Variants in ERCC6 observed in about 807,000 individuals in gnomAD.
ERCC6 encodes DNA excision repair protein ERCC-6.
A neutral mutation model predicts 158.7 loss-of-function variants in ERCC6; 116 were observed. That is an observed-to-expected ratio of 0.73 (90% confidence interval 0.63 to 0.85). The LOEUF (loss-of-function observed/expected upper bound fraction) is 0.85. ERCC6 is among the 40% of genes least tolerant of loss of function. The pLI is 0.00. For synonymous variants in ERCC6, 678 were observed against 659.3 expected, an observed-to-expected ratio of 1.03 and a Z score of -0.43; for missense variants, 1,698 against 1,799.4, an observed-to-expected ratio of 0.94 and a Z score of 1.02.
At chr10:49,465,961 G>C (rs1381420767) in intron 18 of ERCC6, among the ~76,000 whole-genome samples, 3 of 152,274 alleles carry the variant, frequency 2.0e-5, no homozygotes, top group East Asian at 1.9e-4. Flanking sequence ...GGGACAGGGT[G>C]GGGGATGACA....
chr10:49,538,408 C>T (rs992300273), intron 1 of ERCC6, among the ~76,000 whole-genome samples: 3 of 152,088 alleles, frequency 2.0e-5, no homozygotes, highest in African/African-American at 7.2e-5. Context: ...GACAACTGTG[C>T]GGATAATGGA....
Position 49,530,833 on chromosome 10 carries a change from T to G in ERCC6, c.430A>C (p.Thr144Pro). The G allele has an allele frequency of 6.2e-7, 1 of 1,613,470 alleles. No homozygotes were observed. The highest frequency in any genetic ancestry group is 8.5e-7 in the Non-Finnish European group (1 of 1,179,724). The change falls in exon 3 of 21, where the codon ACG becomes CCG. Residue 144 changes from threonine (T) to proline (P), a missense_variant. Physicochemically the swap from Thr to Pro is conservative, Grantham distance 38. Transcript: ENST00000355832. Reference sequence around the variant, plus strand: ...TTATTGATTTGCCTTAGGGATGTCGTACATGACCTGAAAAATAAGATAAAT... The same window carrying G: ...TTATTGATTTGCCTTAGGGATGTCGGACATGACCTGAAAAATAAGATAAAT... The part of the protein sequence containing the change: ...RSVLDDLTSC[T>P]TSLRQINKII...
chr10:49,461,213 G>T (rs1451275012), intron 19 of ERCC6, 139 bp downstream of exon 19: 2 of 892,424 alleles, frequency 2.2e-6, no homozygotes, highest in Non-Finnish European at 3.6e-6. Flanking sequence ...AAGTCACCCA[G>T]ATTTTGCTGC....
intron 7 of ERCC6, among the ~76,000 whole-genome samples, chr10:49,498,721 A>G (rs1352066738): frequency 6.6e-6 from 1 of 152,228 alleles, no homozygotes; most frequent in Non-Finnish European, 1.5e-5. Context: ...CTTCATTCTT[A>G]GTAGGATTGT....
chr10:49,446,617 A>C, the ERCC6 span, among the ~76,000 whole-genome samples: 1 of 151,996 alleles, frequency 6.6e-6, no homozygotes, highest in Admixed American at 6.6e-5. Flanking sequence ...TCTCTGAAAA[A>C]ATTTTCAAAC....
intron 3 of ERCC6, among the ~76,000 whole-genome samples, chr10:49,530,437 C>T (rs577916827): frequency 6.6e-5 from 10 of 152,204 alleles, no homozygotes; most frequent in South Asian, 4.2e-4. Flanking sequence ...TTTCAATTTA[C>T]GATGGGTTTG....
chr10:49,459,768 T>C (rs1163881708), intron 20 of ERCC6, among the ~76,000 whole-genome samples: 3 of 152,210 alleles, frequency 2.0e-5, no homozygotes, highest in Non-Finnish European at 4.4e-5. Flanking sequence ...TCCCTACTGC[T>C]AAAAGCACAG....
At chr10:49,508,149 A>C (rs1590444100) in intron 5 of ERCC6, among the ~76,000 whole-genome samples, 1 of 152,332 alleles carries the variant, frequency 6.6e-6, no homozygotes, top group South Asian at 2.1e-4. Flanking sequence ...TGGAAGAATC[A>C]CAGCCACTTA....
downstream of ERCC6, among the ~76,000 whole-genome samples, chr10:49,451,590 C>G (rs1213414158): frequency 6.6e-6 from 1 of 152,068 alleles, no homozygotes; most frequent in African/African-American, 2.4e-5. Context: ...ACATGTTAAG[C>G]CAATCTTATA....
In ERCC6 at chr10:49,471,055, T is replaced by G. The variant is rs766459533; in HGVS notation, c.2990A>C (p.Lys997Thr). Residue 997 changes from lysine (K) to threonine (T), a missense_variant, in exon 17 of 21, where the codon AAA becomes ACA. By Grantham distance (78) the Lys-to-Thr change is moderately conservative. Transcript: ENST00000355832. ...AAATAGCTCATAGAGATCATTGGAT[T>G]TGAAAAACCGCCTTTGTTTTGGGTC... ...LKDPKQRRFF[K>T]SNDLYELFTL... 2.3e-5 allele frequency: 37 copies of G among 1,613,988 alleles called. No homozygotes were observed. The highest frequency in any genetic ancestry group is 2.8e-5 in the Non-Finnish European group (33 of 1,180,008).
intron 9 of ERCC6, 143 bp downstream of exon 9, chr10:49,483,203 A>G (rs558100466): frequency 1.1e-6 from 1 of 886,552 alleles, no homozygotes; most frequent in East Asian, 2.6e-5. Context: ...AGTTTTCTGC[A>G]TTAAGGAAAA....
chr10:49,536,869 CA>C (rs1837610854), intron 1 of ERCC6, among the ~76,000 whole-genome samples: 1 of 152,078 alleles, frequency 6.6e-6, no homozygotes, highest in African/African-American at 2.4e-5. Flanking sequence ...CTTCAGGGTC[CA>C]AGCTGGGTAG....
intron 16 of ERCC6, 96 bp from the exon 17 acceptor site, chr10:49,471,216 G>C (rs1850774137): frequency 8.0e-7 from 1 of 1,243,398 alleles, no homozygotes; most frequent in African/African-American, 1.5e-5. Context: ...GATAACAGCT[G>C]CTGCATGAAT....
intron 20 of ERCC6, chr10:49,460,087 AAGG>A (rs1444268978): frequency 2.1e-6 from 1 of 482,942 alleles, no homozygotes; most frequent in African/African-American, 2.0e-5. Context: ...CCCTCTAGAC[AAGG>A]CAGGCTGTCC....
chr10:49,534,133 C>CAAAAAAAAAAAAAAAAAAAAAAA (rs746772551), intron 1 of ERCC6, among the ~76,000 whole-genome samples: 1 of 60,320 alleles, frequency 1.7e-5, no homozygotes, highest in Non-Finnish European at 3.0e-5. Flanking sequence ...GACTCAATCT[C>CAAAAAAAAAAAAAAAAAAAAAAA]AAAAAAAAAA....
At chr10:49,492,978 A>G (rs1484414172) in intron 8 of ERCC6, 139 bp downstream of exon 8, 6 of 855,614 alleles carry the variant, frequency 7.0e-6, no homozygotes, top group African/African-American at 6.8e-5. Flanking sequence ...AAGTAAGTCA[A>G]TAATAATAAA....
intron 7 of ERCC6, 85 bp from the exon 8 acceptor site, chr10:49,493,337 A>C: frequency 6.5e-7 from 1 of 1,527,286 alleles, no homozygotes. Context: ...AAAACAACAA[A>C]CAAAAAACTT....
rs1251569991 is a variant in ERCC6, at chr10:49,506,121, T to C, written c.1398-109A>G. 3.9e-6 allele frequency: 5 copies of C among 1,269,460 alleles called. No individual in the cohort carries two copies. In the African/African-American group the frequency reaches 4.4e-5, roughly 11 times the overall value. The allele number at this position is 1,269,460 out of a possible 1,614,324, so 78.6% of individuals were successfully genotyped here. The stretch of plus-strand genomic sequence containing the variant: ...AAAACAGGCAAATTAGAACGGTCTC[T>C]TAGGTTAATGCTGCCATTATTACCC... On this transcript the variant is annotated intron_variant, in intron 5 of 20. Coordinates refer to ENST00000355832, the MANE Select transcript of ERCC6 (RefSeq NM_000124.4).
chr10:49,438,816 T>C, the ERCC6 span, among the ~76,000 whole-genome samples: 2 of 152,108 alleles, frequency 1.3e-5, no homozygotes, highest in Non-Finnish European at 2.9e-5. Context: ...ATGGGAGAAA[T>C]TGGCCAAAAC....
Sources: allele counts gnomAD v4.1 joint callset (sites outside exome capture counted in the v4.1 genomes callset), GRCh38; gene constraint gnomAD v4.1.1; transcripts MANE v1.5; gene names NCBI Gene and HGNC (gene_info 2026-07-23, HGNC 2026-07-21).